The following INPP5D variants were observed in gnomAD, a reference collection of about 807,000 sequenced individuals.
INPP5D encodes phosphatidylinositol 3,4,5-trisphosphate 5-phosphatase 1.
Under a neutral mutation model 122.9 loss-of-function variants are expected in INPP5D, and 33 were observed. The observed-to-expected ratio is 0.27, with a 90% CI of 0.20 to 0.36. The LOEUF (loss-of-function observed/expected upper bound fraction) is 0.36, where lower values mean the gene tolerates loss of function less well. Among genes scored for constraint, INPP5D ranks in the 10% least tolerant of loss-of-function variants. The pLI, the probability that INPP5D is intolerant of heterozygous loss-of-function variation, is 1.00. For synonymous variants in INPP5D, 584 were observed against 576.2 expected, an observed-to-expected ratio of 1.01 and a Z score of -0.19; for missense variants, 1,053 against 1,412.7, an observed-to-expected ratio of 0.75 and a Z score of 4.08.
At chr2:233,092,918 C>T (rs996542025) in intron 2 of INPP5D, among the ~76,000 whole-genome samples, 2 of 151,978 alleles carry the variant, frequency 1.3e-5, no homozygotes, top group Non-Finnish European at 2.9e-5. Flanking sequence ...CCACCTGACA[C>T]GTTGCCCCTG....
rs560388189 is a variant in INPP5D at position 233,163,586 on chromosome 2, C to T, written c.1241-121C>T. The T allele has an allele frequency of 2.0e-6, 3 of 1,522,998 alleles. No individual in the cohort carries two copies. In the Admixed American group the frequency reaches 7.1e-5, roughly 36 times the overall value. 94.3% of individuals were successfully genotyped at this position (1,522,998 alleles called of 1,614,324 possible). ...CCATTGCAGGCATTTCTTTGGGCTG[C>T]CTGGATGGTCTTGTGTAATGACGTG... On this transcript the variant is annotated intron_variant, in intron 11 of 26. Coordinates refer to ENST00000445964, the MANE Select transcript of INPP5D (RefSeq NM_001017915.3).
chr2:233,194,716 T>C (rs752241336), intron 23 of INPP5D, among the ~76,000 whole-genome samples: 7 of 152,138 alleles, frequency 4.6e-5, no homozygotes, highest in Non-Finnish European at 8.8e-5. Context: ...TAGGCTAGTC[T>C]GGAACTCCTG....
At chr2:233,096,170 A>G (rs570025587) in intron 2 of INPP5D, among the ~76,000 whole-genome samples, 2 of 152,332 alleles carry the variant, frequency 1.3e-5, no homozygotes, top group East Asian at 3.9e-4. Context: ...GAATGCGTAT[A>G]TGATTGTAAA....
Position 233,164,750 on chromosome 2 carries a change from C to A in INPP5D, c.1555+326C>A, listed in dbSNP as rs1321525162. Among the ~76,000 whole-genome samples, 1 of 152,158 alleles carries A rather than the reference C, an allele frequency of 6.6e-6. No homozygotes were observed. Among genetic ancestry groups the A allele is most frequent in the East Asian group, 1.9e-4 (1 of 5,198 alleles). On this transcript the variant is annotated intron_variant, in intron 13 of 26. Coordinates refer to ENST00000445964, the MANE Select transcript of INPP5D (RefSeq NM_001017915.3). The surrounding 1 kb of genome is among the most constrained non-coding windows in gnomAD (Gnocchi z 4.3). ...GGCCCGTGGGACCCATTTTAAGAAG[C>A]AAGAACCTAGAAGAGGCATTGGCCA... is the stretch of plus-strand genomic sequence containing the variant.
intron 6 of INPP5D, chr2:233,140,944 T>C (rs892566823): frequency 2.0e-5 from 3 of 152,176 alleles, no homozygotes; most frequent in East Asian, 3.8e-4. Context: ...ATAGCCAGTA[T>C]AGATATGAAA....
chr2:233,118,893 C>T (rs988785466), intron 2 of INPP5D, among the ~76,000 whole-genome samples: 6 of 152,248 alleles, frequency 3.9e-5, no homozygotes, highest in Admixed American at 1.3e-4. Context: ...CCCGGGCAGC[C>T]GGCAGCCTTG....
At chr2:233,153,769 G>A (rs1426214917) in intron 9 of INPP5D, among the ~76,000 whole-genome samples, 1 of 152,222 alleles carries the variant, frequency 6.6e-6, no homozygotes, top group Admixed American at 6.5e-5. Context: ...AAGGTGAAGG[G>A]CTGGGAGATG....
intron 17 of INPP5D, among the ~76,000 whole-genome samples, chr2:233,173,140 T>A (rs1399617655): frequency 3.5e-5 from 5 of 144,280 alleles, no homozygotes; most frequent in African/African-American, 1.3e-4. Flanking sequence ...ACCCGGGAGA[T>A]GGAAGTTGCA....
At chr2:233,079,906 G>C (rs1359408151) in intron 2 of INPP5D, among the ~76,000 whole-genome samples, 3 of 152,204 alleles carry the variant, frequency 2.0e-5, no homozygotes, top group African/African-American at 7.2e-5. Context: ...AAGTCAAAAT[G>C]TGCAAAACTT....
intron 1 of INPP5D, among the ~76,000 whole-genome samples, chr2:233,073,078 C>A (rs189043122): frequency 2.6e-5 from 4 of 152,206 alleles, no homozygotes; most frequent in Admixed American, 1.3e-4. Flanking sequence ...GCCCATCCCC[C>A]CTTCACTCAC....
chr2:233,091,781 T>C (rs1692001098), intron 2 of INPP5D, among the ~76,000 whole-genome samples: 1 of 152,216 alleles, frequency 6.6e-6, no homozygotes. Flanking sequence ...TTATTTTTTC[T>C]ACCGCAGCAA....
intron 26 of INPP5D, 76 bp downstream of exon 26, chr2:233,204,793 CAT>C (rs1695449270): frequency 2.5e-6 from 3 of 1,179,888 alleles, no homozygotes; most frequent in Admixed American, 3.3e-5. Context: ...TGTACCTATG[CAT>C]ATGTGTGTGC....
chr2:233,145,390 C>T (rs1693731851), intron 6 of INPP5D: 1 of 449,232 alleles, frequency 2.2e-6, no homozygotes, highest in African/African-American at 2.0e-5. Context: ...TGAACACAGT[C>T]CTCTTGATCT....
intron 11 of INPP5D, among the ~76,000 whole-genome samples, chr2:233,162,878 C>T (rs774942592): frequency 1.6e-4 from 24 of 152,194 alleles, no homozygotes; most frequent in Non-Finnish European, 3.2e-4. Context: ...CAATAGTCTG[C>T]CTGATCTCCT....
intron 2 of INPP5D, among the ~76,000 whole-genome samples, chr2:233,109,146 A>G (rs1692542822): frequency 6.6e-6 from 1 of 152,110 alleles, no homozygotes; most frequent in South Asian, 2.1e-4. Flanking sequence ...TCTTCTGTGG[A>G]TGGAAACTTG....
Position 233,085,559 on chromosome 2 carries a change from G to A in INPP5D, c.198+6161G>A, listed in dbSNP as rs981643128. ...TCCTTTCATTGATAGTACCTGCAAT[G>A]TGTTCGGCTTGTTCACTTTGCAAAC... On this transcript the variant is annotated intron_variant, in intron 2 of 26. Transcript: ENST00000445964. 7.2e-4 allele frequency among the ~76,000 whole-genome samples: 110 copies of A among 152,096 alleles called. 1 individual carries two copies. Among genetic ancestry groups the A allele is most frequent in the Non-Finnish European group, 2.5e-4 (17 of 68,002 alleles).
intron 9 of INPP5D, among the ~76,000 whole-genome samples, chr2:233,151,700 G>A (rs1184332910): frequency 6.6e-6 from 1 of 152,188 alleles, no homozygotes; most frequent in African/African-American, 2.4e-5. Flanking sequence ...CTTCACAAAG[G>A]CTGGGATGTG....
At chr2:233,094,489 G>T (rs1462138973) in intron 2 of INPP5D, among the ~76,000 whole-genome samples, 1 of 78,100 alleles carries the variant, frequency 1.3e-5, no homozygotes, top group Non-Finnish European at 2.3e-5. Flanking sequence ...CTCCAGCTTG[G>T]GCAATAGAGC....
At chr2:233,190,966 G>C (rs914240380) in intron 22 of INPP5D, among the ~76,000 whole-genome samples, 3 of 152,202 alleles carry the variant, frequency 2.0e-5, no homozygotes, top group African/African-American at 7.2e-5. Context: ...TAGAAGTAGT[G>C]ACAGTAAAAA....
Sources: allele counts gnomAD v4.1 joint callset (sites outside exome capture counted in the v4.1 genomes callset), GRCh38; gene constraint gnomAD v4.1.1; non-coding constraint Gnocchi (gnomAD v3.1); transcripts MANE v1.5; gene names NCBI Gene and HGNC (gene_info 2026-07-23, HGNC 2026-07-21).